FBLN2: variants seen among roughly 807,000 people sequenced by gnomAD.
The protein encoded by FBLN2 is fibulin-2.
Under a neutral mutation model 123.7 loss-of-function variants are expected in FBLN2, and 81 were observed. That is an observed-to-expected ratio of 0.65 (90% CI 0.55 to 0.79). FBLN2 has a LOEUF of 0.79. FBLN2 is among the 30% of genes least tolerant of loss of function. The pLI is 0.00. For synonymous variants in FBLN2, 699 were observed against 701.4 expected (o/e 1.00, Z 0.05); for missense variants, 1,603 against 1,681.3 (o/e 0.95, Z 0.81).
intron 5 of FBLN2, among the ~76,000 whole-genome samples, chr3:13,617,104 T>A (rs1452304684): frequency 6.6e-6 from 1 of 151,896 alleles, no homozygotes; most frequent in African/African-American, 2.4e-5. Flanking sequence ...TCATTCTTAC[T>A]GCTTGAGGTC....
rs192673960 is a variant in FBLN2, at chr3:13,593,812, C to T, written c.1307-14250C>T. Among the ~76,000 whole-genome samples, 22 of 151,428 alleles carry T rather than the reference C, an allele frequency of 1.5e-4. No individual in the cohort carries two copies. In the South Asian group the frequency reaches 1.7e-3, roughly 12 times the overall value. ...CATATTCAGAAGTCCCCAGCACGGG[C>T]GGCTGAATTAAGTGGGTGACATATT... On this transcript the variant is annotated intron_variant, in intron 2 of 17. Coordinates refer to ENST00000404922, the MANE Select transcript of FBLN2 (RefSeq NM_001004019.2).
intron 2 of FBLN2, among the ~76,000 whole-genome samples, chr3:13,602,553 A>G (rs943569017): frequency 1.3e-5 from 2 of 152,226 alleles, no homozygotes; most frequent in Non-Finnish European, 2.9e-5. Flanking sequence ...GATACATGGT[A>G]TGTATTTTGA....
intron 2 of FBLN2, among the ~76,000 whole-genome samples, chr3:13,581,374 TTGGAATCCTGC>T (rs1704323229): frequency 6.6e-6 from 1 of 152,112 alleles, no homozygotes; most frequent in Admixed American, 6.5e-5. Flanking sequence ...AGGTGTTATT[TTGGAATCCTGC>T]TGGCCTGGAG....
At chr3:13,637,444 C>A in intron 17 of FBLN2, 118 bp from the exon 18 acceptor site, 6 of 930,138 alleles carry the variant, frequency 6.5e-6, no homozygotes, top group Non-Finnish European at 7.9e-6. Context: ...TGAGGCTTCC[C>A]GGCCATTAGG....
At chr3:13,615,496 G>C (rs1705567495) in intron 5 of FBLN2, among the ~76,000 whole-genome samples, 1 of 152,246 alleles carries the variant, frequency 6.6e-6, no homozygotes, top group Non-Finnish European at 1.5e-5. Context: ...GGCAGACTTG[G>C]TTGGAATCCT....
At chr3:13,618,766 T>C (rs1326583028) in intron 6 of FBLN2, 138 bp from the exon 7 acceptor site, 1 of 651,880 alleles carries the variant, frequency 1.5e-6, no homozygotes. Context: ...CCAAACCTCA[T>C]TTTCCTCTCC....
chr3:13,626,344 G>A, intron 9 of FBLN2, 101 bp from the exon 10 acceptor site: 1 of 1,255,956 alleles, frequency 8.0e-7, no homozygotes. Context: ...TGAGGGCAGG[G>A]CCTGGAGCTC....
In FBLN2 at chr3:13,609,614, A is replaced by G. The variant is rs1228283264; in HGVS notation, c.1520A>G (p.Asn507Ser). The stretch of plus-strand genomic sequence containing the variant: ...GGTGAGACCTGTGGGGCTGAGGACA[A>G]CGACAGCTGCGGCATCTCCCTGTAC... ...KEGETCGAED[N>S]DSCGISLYKQ... The change falls in exon 4 of 18, where the codon AAC (asparagine) becomes AGC (serine). Residue 507 changes from asparagine (N) to serine (S), a missense_variant. Physicochemically the swap from Asn to Ser is conservative, Grantham distance 46 (BLOSUM62 1). Coordinates refer to ENST00000404922, the MANE Select transcript of FBLN2 (RefSeq NM_001004019.2). 1.4e-6 allele frequency: 2 copies of G among 1,410,924 alleles called. No individual in the cohort carries two copies. Among genetic ancestry groups the G allele is most frequent in the South Asian group, 2.4e-5 (2 of 83,424 alleles). 87.4% of individuals were successfully genotyped at this position (1,410,924 alleles called of 1,614,324 possible). A position where few individuals can be genotyped will look rare whatever the true frequency, so the allele number is the denominator to read the frequency against.
At chr3:13,592,222 C>T (rs576646628) in intron 2 of FBLN2, among the ~76,000 whole-genome samples, 26 of 152,004 alleles carry the variant, frequency 1.7e-4, no homozygotes, top group Non-Finnish European at 3.1e-4. Context: ...GACAGGGTTT[C>T]ACCATGTTGG....
At position 13,571,681 on chromosome 3, in the gene FBLN2, C is replaced by T; in HGVS notation, c.1306+20C>T. On this transcript the variant is annotated intron_variant, in intron 2 of 17. Transcript: ENST00000404922. ...CTGAAGGTAAGACCCTGTCCTGGTTCCTTCAGGGCACTTTGTGTGGGAAGG... is the reference window on the plus strand; with the variant it reads ...CTGAAGGTAAGACCCTGTCCTGGTTTCTTCAGGGCACTTTGTGTGGGAAGG... 2 of 1,529,124 alleles carry T rather than the reference C, an allele frequency of 1.3e-6. No homozygotes were observed. Among genetic ancestry groups the T allele is most frequent in the Non-Finnish European group, 1.8e-6 (2 of 1,136,322 alleles). The allele number at this position is 1,529,124 out of a possible 1,614,324, so 94.7% of individuals were successfully genotyped here.
Position 13,629,835 on chromosome 3 carries a change from G to T in FBLN2, c.2858G>T (p.Trp953Leu). The T allele has an allele frequency of 6.3e-7, 1 of 1,577,306 alleles. No homozygotes were observed. The highest frequency in any genetic ancestry group is 2.3e-5 in the East Asian group (1 of 42,636). Residue 953 changes from tryptophan (W) to leucine (L), a missense_variant, in exon 14 of 18, where the codon TGG becomes TTG. By Grantham distance (61) the Trp-to-Leu change is moderately conservative (BLOSUM62 -2). Transcript: ENST00000404922. ...CCTCCCACAGACGTGAATGAGTGCT[G>T]GGCCTCGCCAGGCCGCCTGTGCCAG... ...GRGCIDVNEC[W>L]ASPGRLCQHT...
rs1224264696 is a variant in FBLN2 at position 13,571,335 on chromosome 3, G to A, written c.980G>A (p.Gly327Glu). ...ATCCAGGAGGAGAGGGCAGAAGCTG[G>A]GGCAAGGGCAGAAGCTGGGGCAAGG... ...LPIQEERAEA[G>E]ARAEAGARPE... is the part of the protein sequence containing the mutation. Residue 327 changes from glycine (G) to glutamate (E), a missense_variant, in exon 2 of 18, where the codon GGG (glycine) becomes GAG (glutamate). By Grantham distance (98) the Gly-to-Glu change is moderately conservative (BLOSUM62 -2). Transcript: ENST00000404922. 9 of 1,608,218 alleles carry A rather than the reference G, an allele frequency of 5.6e-6. No homozygotes were observed. The highest frequency in any genetic ancestry group is 3.4e-5 in the Admixed American group (2 of 59,134).
chr3:13,629,068 C>CCCTGCCAGCCAGCCCGG lies in FBLN2; in HGVS notation c.2713+27_2713+43dup. On this transcript the variant is annotated intron_variant, in intron 12 of 17. Coordinates refer to ENST00000404922, the MANE Select transcript of FBLN2 (RefSeq NM_001004019.2). The stretch of plus-strand genomic sequence containing the variant: ...GTGTGGGTAAGGCCAGCCGCCTCCG[C>CCCTGCCAGCCAGCCCGG]CCTGCCAGCCAGCCCGGCCTGCCCG... The CCCTGCCAGCCAGCCCGG allele has an allele frequency of 6.2e-7, 1 of 1,612,866 alleles. No individual in the cohort carries two copies.
intron 9 of FBLN2, among the ~76,000 whole-genome samples, chr3:13,622,708 T>C (rs1275218472): frequency 6.6e-6 from 1 of 152,250 alleles, no homozygotes; most frequent in Non-Finnish European, 1.5e-5. Flanking sequence ...GCCGTGGCTC[T>C]GGGAGTGCTC....
intron 2 of FBLN2, among the ~76,000 whole-genome samples, chr3:13,598,023 C>T (rs1704903726): frequency 6.6e-6 from 1 of 152,202 alleles, no homozygotes; most frequent in African/African-American, 2.4e-5. Context: ...TCCCCCTCGG[C>T]CTGAGCTCCT....
Position 13,587,713 on chromosome 3 carries a change from T to C in FBLN2, c.1306+16052T>C, listed in dbSNP as rs563646236. On this transcript the variant is annotated intron_variant, in intron 2 of 17. Coordinates refer to ENST00000404922, the MANE Select transcript of FBLN2 (RefSeq NM_001004019.2). ...GATAAGAAACATTTTACAGCCTAGC[T>C]AAAAGCTTCATCTGCATGATAAAAC... Among the ~76,000 whole-genome samples, 3 of 152,364 alleles carry C rather than the reference T, an allele frequency of 2.0e-5. No homozygotes were observed. The South Asian group carries it at 6.2e-4, about 32-fold the overall frequency.
At chr3:13,565,383 C>T (rs940661895) in intron 1 of FBLN2, among the ~76,000 whole-genome samples, 1 of 152,234 alleles carries the variant, frequency 6.6e-6, no homozygotes, top group South Asian at 2.1e-4. Flanking sequence ...GTGCTGAGTG[C>T]CACTTCATGG....
At chr3:13,553,108 A>G (rs4684145) in intron 1 of FBLN2, among the ~76,000 whole-genome samples, 140,009 of 152,226 alleles carry the variant, frequency 0.92, 64,567 homozygotes, top group East Asian at 1. Context: ...CTGGGGACAG[A>G]AGAAAGCCTG....
Position 13,619,740 on chromosome 3 carries a change from C to A in FBLN2, c.2064C>A (p.Pro688=). ...TGTGGTTTCCTCCAGACAATGGACCCTGCAAGCAGGTGTGCAGCACTGTTG... is the reference window on the plus strand; with the variant it reads ...TGTGGTTTCCTCCAGACAATGGACCATGCAAGCAGGTGTGCAGCACTGTTG... ...PQPNTCKDNG[P]CKQVCSTVGG... Residue 688 remains proline (P), a synonymous_variant, in exon 8 of 18, where the codon CCC becomes CCA. Transcript: ENST00000404922. 6.2e-7 allele frequency: 1 copy of A among 1,613,392 alleles called. No individual in the cohort carries two copies. The highest frequency in any genetic ancestry group is 8.5e-7 in the Non-Finnish European group (1 of 1,179,542).
Sources: allele counts gnomAD v4.1 joint callset (sites outside exome capture counted in the v4.1 genomes callset), GRCh38; gene constraint gnomAD v4.1.1; transcripts MANE v1.5; gene names NCBI Gene and HGNC (gene_info 2026-07-23, HGNC 2026-07-21).